TIAM1: variants seen among roughly 807,000 people sequenced by gnomAD.
TIAM1 encodes the protein rho guanine nucleotide exchange factor TIAM1.
In TIAM1, 65 loss-of-function variants were observed where a neutral mutation model predicts 163.5. That is an observed-to-expected ratio of 0.40 (90% CI 0.33 to 0.49). The LOEUF (loss-of-function observed/expected upper bound fraction) is 0.49. Among genes scored for constraint, TIAM1 ranks in the 20% least tolerant of loss-of-function variants. The pLI is 0.77. For synonymous variants in TIAM1, 833 were observed against 810.1 expected (o/e 1.03, Z -0.48); for missense variants, 1,789 against 2,044.7 (o/e 0.87, Z 2.41).
intron 2 of TIAM1, among the ~76,000 whole-genome samples, chr21:31,408,079 T>C (rs1262660116): frequency 6.6e-6 from 1 of 152,236 alleles, no homozygotes; most frequent in Admixed American, 6.5e-5. Context: ...GTATCTCACA[T>C]TGCAGAAAAC....
intron 11 of TIAM1, among the ~76,000 whole-genome samples, chr21:31,208,845 G>A (rs1048026480): frequency 6.6e-6 from 1 of 152,098 alleles, no homozygotes; most frequent in Non-Finnish European, 1.5e-5. Flanking sequence ...CGGAGGTAGT[G>A]AAAGTCATTC....
At chr21:31,508,805 G>A (rs533573781) in intron 1 of TIAM1, among the ~76,000 whole-genome samples, 2 of 152,242 alleles carry the variant, frequency 1.3e-5, no homozygotes. Flanking sequence ...GCGTTGAAGT[G>A]GTCCTAAGGT....
At chr21:31,492,776 TACACACACACACACACACACAC>T (rs3055373) in intron 1 of TIAM1, among the ~76,000 whole-genome samples, 28 of 139,788 alleles carry the variant, frequency 2.0e-4, no homozygotes, top group African/African-American at 7.1e-4. Context: ...TATTTTGGGT[TACACACACACACACACACACAC>T]ACACACACAC....
chr21:31,219,083 G>A (rs989415121), intron 8 of TIAM1, among the ~76,000 whole-genome samples: 1 of 136,128 alleles, frequency 7.3e-6, no homozygotes, highest in Non-Finnish European at 1.5e-5. Flanking sequence ...CCAGGCTGGA[G>A]TCCAGTGGAG....
chr21:31,305,471 C>G lies in TIAM1; in HGVS notation c.-188-28563G>C, dbSNP rs545691021. On this transcript the variant is annotated intron_variant, in intron 2 of 27. Transcript: ENST00000541036. ...TAGCCTTTTTCCTTCTTTACAGGAC[C>G]TTGGATGAGAATTTTAAAACAATCT... Among the ~76,000 whole-genome samples, 56 of 151,906 alleles carry G rather than the reference C, an allele frequency of 3.7e-4. No individual in the cohort carries two copies. In the South Asian group the frequency reaches 0.011, roughly 31 times the overall value.
At chr21:31,347,519 C>A (rs114460139), upstream of TIAM1, among the ~76,000 whole-genome samples, 1 of 152,118 alleles carries the variant, frequency 6.6e-6, no homozygotes, top group Non-Finnish European at 1.5e-5. Flanking sequence ...TTAAGTCATG[C>A]GAATTTCGGA....
At chr21:31,317,874 T>G (rs775710458) in intron 2 of TIAM1, among the ~76,000 whole-genome samples, 11 of 152,340 alleles carry the variant, frequency 7.2e-5, no homozygotes, top group Non-Finnish European at 1.5e-4. Flanking sequence ...TACATGTGCC[T>G]ACTTGATGAG....
chr21:31,134,521 G>GT (rs1247412005), intron 23 of TIAM1, among the ~76,000 whole-genome samples: 1 of 151,490 alleles, frequency 6.6e-6, no homozygotes, highest in Non-Finnish European at 1.5e-5. Context: ...GTTTTGTTTT[G>GT]TTTTTTTGAG....
At chr21:31,536,016 A>G (rs888652289) in intron 1 of TIAM1, among the ~76,000 whole-genome samples, 1 of 152,194 alleles carries the variant, frequency 6.6e-6, no homozygotes, top group Non-Finnish European at 1.5e-5. Context: ...GAGGCTTTCT[A>G]GAGGCGATGG....
chr21:31,511,556 G>GC (rs1435724361), intron 1 of TIAM1, among the ~76,000 whole-genome samples: 2 of 152,114 alleles, frequency 1.3e-5, no homozygotes, highest in Non-Finnish European at 2.9e-5. Context: ...ATCACATGAG[G>GC]CAATACTTAC....
intron 16 of TIAM1, among the ~76,000 whole-genome samples, chr21:31,161,593 C>T (rs566305704): frequency 1.3e-5 from 2 of 152,314 alleles, no homozygotes; most frequent in Middle Eastern, 3.4e-3. Flanking sequence ...AGAACTCCAA[C>T]ATGCTTTTTC....
intron 14 of TIAM1, among the ~76,000 whole-genome samples, chr21:31,185,563 A>G (rs1197770787): frequency 7.6e-6 from 1 of 131,038 alleles, no homozygotes; most frequent in African/African-American, 3.5e-5. Context: ...ATATTAATAT[A>G]ATATATTATA....
chr21:31,228,245 A>AGG (rs774208885), intron 6 of TIAM1, among the ~76,000 whole-genome samples: 1 of 67,088 alleles, frequency 1.5e-5, no homozygotes, highest in African/African-American at 3.4e-5. Flanking sequence ...AAAAAAAAAA[A>AGG]AAAAAAAAAA....
intron 6 of TIAM1, among the ~76,000 whole-genome samples, chr21:31,236,431 C>T (rs189360611): frequency 1.4e-3 from 208 of 152,156 alleles, no homozygotes; most frequent in Non-Finnish European, 2.5e-3. Context: ...CAGACTAAGT[C>T]AACACGGAAA....
chr21:31,252,010 C>T lies in TIAM1; in HGVS notation c.1143G>A (p.Gln381=), dbSNP rs528287339. 1.2e-6 allele frequency: 2 copies of T among 1,614,030 alleles called. No homozygotes were observed. Among genetic ancestry groups the T allele is most frequent in the South Asian group, 1.1e-5 (1 of 91,080 alleles). ...GSSSTGDAAR[Q]GVYENFRREL... is the part of the protein sequence containing the mutation. The stretch of plus-strand genomic sequence containing the variant: ...CCCGCCGGAAGTTCTCGTACACCCC[C>T]TGACGAGCCGCATCCCCGGTGGAGC... Residue 381 remains glutamine (Q), a synonymous_variant, in exon 5 of 28, where the codon CAG becomes CAA. Transcript: ENST00000541036.
intron 1 of TIAM1, among the ~76,000 whole-genome samples, chr21:31,543,508 A>G (rs1335519744): frequency 9.0e-6 from 1 of 110,780 alleles, no homozygotes; most frequent in Non-Finnish European, 2.1e-5. Context: ...CAACACACAG[A>G]AAAGAAACAT....
intron 3 of TIAM1, among the ~76,000 whole-genome samples, chr21:31,268,055 C>A (rs188104035): frequency 3.3e-5 from 5 of 152,166 alleles, no homozygotes; most frequent in Admixed American, 1.3e-4. Context: ...GTCTCTCTAG[C>A]GCACTTCAAA....
At chr21:31,319,987 T>G (rs2075259027) in intron 2 of TIAM1, among the ~76,000 whole-genome samples, 1 of 152,150 alleles carries the variant, frequency 6.6e-6, no homozygotes, top group Non-Finnish European at 1.5e-5. Flanking sequence ...GTTGCTGAGT[T>G]GTTTCATCAC....
At chr21:31,340,308 C>T (rs986925461) in intron 1 of TIAM1, among the ~76,000 whole-genome samples, 6 of 151,982 alleles carry the variant, frequency 3.9e-5, no homozygotes, top group Admixed American at 1.3e-4. Context: ...AACTCAATAA[C>T]GCTACATTCC....
Sources: gnomAD v4.1 joint callset for allele counts (sites outside exome capture counted in the v4.1 genomes callset) on GRCh38, gnomAD v4.1.1 for gene constraint, MANE v1.5 for transcripts, NCBI Gene and HGNC (gene_info 2026-07-23, HGNC 2026-07-21) for gene names.